RASIP1: variants seen among roughly 807,000 people sequenced by gnomAD.
RASIP1 encodes Ras interacting protein 1, also known as ras-interacting protein 1.
Under a neutral mutation model 85.3 loss-of-function variants are expected in RASIP1, and 20 were observed. The observed-to-expected ratio is 0.23, with a 90% CI of 0.17 to 0.34. The LOEUF is 0.34. Ranked by LOEUF, RASIP1 falls within the 10% of genes least tolerant of loss-of-function variation. The pLI, the probability that RASIP1 is intolerant of heterozygous loss-of-function variation, is 1.00. For missense variants in RASIP1, 1,170 were observed against 1,390.9 expected (o/e 0.84, Z 2.53); for synonymous variants, 617 against 647.1 (o/e 0.95, Z 0.71).
In RASIP1 at chr19:48,739,099, C is replaced by G. The variant is rs2122489543; in HGVS notation, c.684G>C (p.Val228=). The change falls in exon 3 of 12, where the codon GTG becomes GTC. Residue 228 remains valine (V), a synonymous_variant. Coordinates refer to ENST00000222145, the MANE Select transcript of RASIP1 (RefSeq NM_017805.3). This position sits in a 1 kb window ranked among gnomAD's most constrained non-coding sequence, Gnocchi z 9.2. ...SGEWRAEHLR[V]LGDSERPLLV... is the part of the protein sequence containing the mutation. ...GCAGCGGGCGCTCGGAGTCGCCCAGCACGCGCAGGTGCTCCGCCCGCCACT... is the reference window on the plus strand; with the variant it reads ...GCAGCGGGCGCTCGGAGTCGCCCAGGACGCGCAGGTGCTCCGCCCGCCACT... The G allele has an allele frequency of 7.6e-7, 1 of 1,317,522 alleles. No individual in the cohort carries two copies. The highest frequency in any genetic ancestry group is 3.2e-5 in the East Asian group (1 of 31,472). The allele number at this position is 1,317,522 out of a possible 1,614,324, so 81.6% of individuals were successfully genotyped here.
chr19:48,734,052 T>C (rs1450874760), intron 4 of RASIP1, among the ~76,000 whole-genome samples: 1 of 152,018 alleles, frequency 6.6e-6, no homozygotes, highest in Non-Finnish European at 1.5e-5. Flanking sequence ...TCCCAGCACT[T>C]TGGGAGGCCG....
In RASIP1 at chr19:48,735,309, C is replaced by A; in HGVS notation, c.1066G>T (p.Ala356Ser). The A allele has an allele frequency of 6.2e-7, 1 of 1,613,898 alleles. No homozygotes were observed. The highest frequency in any genetic ancestry group is 8.5e-7 in the Non-Finnish European group (1 of 1,179,948). ...CCGGGGTCTGCAGTTCCGATTTGGG[C>A]GTCGGCTGCCCCTGGGGCCATGCTA... Reference protein sequence around the residue: ...ALSMAPGAADAQIGTADPGDF... With the variant: ...ALSMAPGAADSQIGTADPGDF... Residue 356 changes from alanine (A) to serine (S), a missense_variant, in exon 4 of 12, where the codon GCC (alanine) becomes TCC (serine). Ala to Ser is a moderately conservative substitution (Grantham distance 99). Coordinates refer to ENST00000222145, the MANE Select transcript of RASIP1 (RefSeq NM_017805.3).
At chr19:48,734,596 C>T (rs1007050568) in intron 4 of RASIP1, among the ~76,000 whole-genome samples, 11 of 151,692 alleles carry the variant, frequency 7.3e-5, no homozygotes, top group Admixed American at 7.2e-4. Flanking sequence ...CAAACGATTC[C>T]CCTGCCTCAG....
Position 48,738,985 on chromosome 19 carries a change from C to T in RASIP1, c.798G>A (p.Glu266=). 4.8e-6 allele frequency: 6 copies of T among 1,242,166 alleles called. No individual in the cohort carries two copies. The highest frequency in any genetic ancestry group is 4.3e-5 in the Admixed American group (1 of 23,322). The allele number at this position is 1,242,166 out of a possible 1,614,324, so 76.9% of individuals were successfully genotyped here. A position where few individuals can be genotyped will look rare whatever the true frequency, so the allele number is the denominator to read the frequency against. ...GREEARRLEQ[E]AFGAADSEGT... Reference sequence around the variant, plus strand: ...CTTCGCTGTCCGCGGCCCCGAAGGCCTCCTGCTCCAGGCGCCGCGCCTCCT... The same window carrying T: ...CTTCGCTGTCCGCGGCCCCGAAGGCTTCCTGCTCCAGGCGCCGCGCCTCCT... Residue 266 remains glutamate (E), a synonymous_variant, in exon 3 of 12, where the codon GAG becomes GAA. Transcript: ENST00000222145. The surrounding 1 kb of genome is among the most constrained non-coding windows in gnomAD (Gnocchi z 4.0).
At chr19:48,729,621 A>T (rs1395655331) in intron 4 of RASIP1, 31 bp from the exon 5 acceptor site, 1 of 1,543,088 alleles carries the variant, frequency 6.5e-7, no homozygotes, top group Non-Finnish European at 8.8e-7. Context: ...CACTAAGGAC[A>T]TCACTTCAAT....
chr19:48,724,761 A>AAC lies in RASIP1; in HGVS notation c.2325_2326dup (p.Phe776CysfsTer13). The AAC allele has an allele frequency of 6.2e-7, 1 of 1,614,178 alleles. No individual in the cohort carries two copies. Among genetic ancestry groups the AAC allele is most frequent in the Non-Finnish European group, 8.5e-7 (1 of 1,180,026 alleles). On this transcript the variant is annotated frameshift_variant, in exon 9 of 12. Transcript: ENST00000222145. LOFTEE classifies it high-confidence loss of function. The surrounding 1 kb of genome is among the most constrained non-coding windows in gnomAD (Gnocchi z 4.6). ...GAGAAGGGATGCGTTGGAGAAGAAGAACAAGTAGCCAAAAGTCTGAGACAC... is the reference window on the plus strand; with the variant it reads ...GAGAAGGGATGCGTTGGAGAAGAAGAACACAAGTAGCCAAAAGTCTGAGACAC...
intron 4 of RASIP1, among the ~76,000 whole-genome samples, chr19:48,734,915 G>A (rs1039820398): frequency 2.6e-5 from 4 of 152,072 alleles, no homozygotes; most frequent in Non-Finnish European, 5.9e-5. Context: ...CGCCTGGCGG[G>A]GATCTTCTTT....
chr19:48,737,955 G>T (rs1050203779), intron 3 of RASIP1: 10 of 984,332 alleles, frequency 1.0e-5, no homozygotes, highest in African/African-American at 3.5e-5. Flanking sequence ...TTGTTTGTTT[G>T]TTTTTTCGAG....
chr19:48,733,319 C>G (rs994174596), intron 4 of RASIP1, among the ~76,000 whole-genome samples: 27 of 152,136 alleles, frequency 1.8e-4, no homozygotes, highest in African/African-American at 6.3e-4. Context: ...GCCACTGTGC[C>G]CAGACAACAT....
rs1359979013 is a variant in RASIP1 at position 48,726,840 on chromosome 19, A to G, written c.2072T>C (p.Leu691Pro). 4 of 1,613,996 alleles carry G rather than the reference A, an allele frequency of 2.5e-6. No individual in the cohort carries two copies. Among genetic ancestry groups the G allele is most frequent in the African/African-American group, 2.7e-5 (2 of 74,952 alleles). ...DLELCDEAMALLDEVIMCTFQ... is the reference protein window; with the variant it reads ...DLELCDEAMAPLDEVIMCTFQ... ...GGTACACATGATGACCTCATCCAGGAGGGCCATGGCCTCATCACATAATTC... is the reference window on the plus strand; with the variant it reads ...GGTACACATGATGACCTCATCCAGGGGGGCCATGGCCTCATCACATAATTC... Residue 691 changes from leucine to proline, a missense_variant, in exon 8 of 12, where the codon CTC (leucine) becomes CCC (proline). By Grantham distance (98) the Leu-to-Pro change is moderately conservative. Transcript: ENST00000222145.
chr19:48,739,125 C>G lies in RASIP1; in HGVS notation c.658G>C (p.Glu220Gln). Residue 220 changes from glutamate to glutamine, a missense_variant, in exon 3 of 12, where the codon GAG becomes CAG. By Grantham distance (29) the Glu-to-Gln change is conservative. Around this residue, in one of 4 missense-constraint regions of RASIP1, gnomAD observed 299 missense variants for 394.4 expected, o/e 0.76. Transcript: ENST00000222145. This position sits in a 1 kb window ranked among gnomAD's most constrained non-coding sequence, Gnocchi z 9.2. ...RPAAAGVGSG[E>Q]WRAEHLRVLG... ...ACGCGCAGGTGCTCCGCCCGCCACT[C>G]GCCGCTTCCCACGCCCGCCGCCGCG... 1 of 1,345,948 alleles carries G rather than the reference C, an allele frequency of 7.4e-7. No individual in the cohort carries two copies. The highest frequency in any genetic ancestry group is 9.5e-7 in the Non-Finnish European group (1 of 1,054,414). 83.4% of individuals were successfully genotyped at this position (1,345,948 alleles called of 1,614,324 possible).
Position 48,738,891 on chromosome 19 carries a change from A to AC in RASIP1, c.823+68_823+69insG. 8.8e-6 allele frequency: 3 copies of AC among 341,116 alleles called. No individual in the cohort carries two copies. The highest frequency in any genetic ancestry group is 1.5e-4 in the South Asian group (1 of 6,590). 21.1% of individuals were successfully genotyped at this position (341,116 alleles called of 1,614,324 possible). ...CCCGCGAGTCCCACAAGCCCCGCCC[A>AC]GGCCCCGCCCCACGGACCCCGCCTC... On this transcript the variant is annotated intron_variant, in intron 3 of 11. Coordinates refer to ENST00000222145, the MANE Select transcript of RASIP1 (RefSeq NM_017805.3). The surrounding 1 kb of genome is among the most constrained non-coding windows in gnomAD (Gnocchi z 4.0).
intron 3 of RASIP1, among the ~76,000 whole-genome samples, chr19:48,736,660 T>A (rs1444252134): frequency 1.3e-5 from 2 of 152,278 alleles, no homozygotes; most frequent in Non-Finnish European, 2.9e-5. Context: ...GACTGATGTG[T>A]TTCCCACTAG....
At chr19:48,726,499 T>G (rs947139934) in intron 8 of RASIP1, among the ~76,000 whole-genome samples, 1 of 152,192 alleles carries the variant, frequency 6.6e-6, no homozygotes, top group Non-Finnish European at 1.5e-5. Context: ...GTGCCGGGAT[T>G]ACAGATGTGA....
At chr19:48,733,558 C>G (rs1395094817) in intron 4 of RASIP1, among the ~76,000 whole-genome samples, 3 of 152,182 alleles carry the variant, frequency 2.0e-5, no homozygotes, top group African/African-American at 7.2e-5. Context: ...GTAATCCCAG[C>G]ACTTTGGGAG....
chr19:48,726,346 C>T lies in RASIP1; in HGVS notation c.2127+439G>A, dbSNP rs866237453. Among the ~76,000 whole-genome samples the T allele has an allele frequency of 3.9e-5, 6 of 152,200 alleles. No individual in the cohort carries two copies. The South Asian group carries it at 1.0e-3, about 26-fold the overall frequency. ...GGTTCAAGTGATTCTTGTGCCTCAG[C>T]CTCTCCAATAGCTGGGATTATAGGC... On this transcript the variant is annotated intron_variant, in intron 8 of 11. Transcript: ENST00000222145.
At position 48,724,285 on chromosome 19, in the gene RASIP1, G is replaced by C. The variant is rs2033303721; in HGVS notation, c.2544+52C>G. 1.3e-6 allele frequency: 2 copies of C among 1,565,356 alleles called. No individual in the cohort carries two copies. The highest frequency in any genetic ancestry group is 2.3e-5 in the South Asian group (2 of 86,610). On this transcript the variant is annotated intron_variant, in intron 10 of 11. Transcript: ENST00000222145. The surrounding 1 kb of genome is among the most constrained non-coding windows in gnomAD (Gnocchi z 4.6). ...GAGCTGAATATAGAAGGTGGCTGAG[G>C]GGGGTTGAGGAGTCAGAGGTCAGGG...
rs767527552 is a variant in RASIP1 at position 48,735,426 on chromosome 19, G to A, written c.949C>T (p.Arg317Cys). ...CGCCGCAAAGACAAGTTTTCTGAGCGCTCCTTGCCTCCAGACCCAGCTGGG... is the reference window on the plus strand; with the variant it reads ...CGCCGCAAAGACAAGTTTTCTGAGCACTCCTTGCCTCCAGACCCAGCTGGG... ...GAPAGSGGKE[R>C]SENLSLRRSV... is the part of the protein sequence containing the mutation. Residue 317 changes from arginine to cysteine, a missense_variant, in exon 4 of 12, where the codon CGC becomes TGC. Physicochemically the swap from Arg to Cys is radical, Grantham distance 180. Transcript: ENST00000222145. 5 of 1,609,544 alleles carry A rather than the reference G, an allele frequency of 3.1e-6. No individual in the cohort carries two copies. Among genetic ancestry groups the A allele is most frequent in the Non-Finnish European group, 4.2e-6 (5 of 1,178,434 alleles).
At position 48,729,567 on chromosome 19, in the gene RASIP1, C is replaced by T. The variant is rs147351682; in HGVS notation, c.1203G>A (p.Thr401=). The T allele has an allele frequency of 3.3e-5, 53 of 1,600,576 alleles. No homozygotes were observed. Among genetic ancestry groups the T allele is most frequent in the Non-Finnish European group, 4.3e-5 (50 of 1,174,128 alleles). ...CTCGCCCAAACACGTGCTGCTCTCG[C>T]GTCATCACATACACCACAAAGTCCT... ...DAQDFVVYVM[T]REQHVFGRGG... is the part of the protein sequence containing the mutation. Residue 401 remains threonine (T), a synonymous_variant, in exon 5 of 12, where the codon ACG becomes ACA. Coordinates refer to ENST00000222145, the MANE Select transcript of RASIP1 (RefSeq NM_017805.3).
Sources: allele counts gnomAD v4.1 joint callset (sites outside exome capture counted in the v4.1 genomes callset), GRCh38; gene constraint gnomAD v4.1.1; regional missense constraint gnomAD v4.1.1; non-coding constraint Gnocchi (gnomAD v3.1); transcripts MANE v1.5; gene names NCBI Gene and HGNC (gene_info 2026-07-23, HGNC 2026-07-21).